ARID1B: variants seen among roughly 807,000 people sequenced by gnomAD.
ARID1B encodes AT-rich interaction domain 1B.
ARID1B carries 30 observed loss-of-function variants against 212.3 expected under a neutral mutation model. The ratio of observed to expected loss-of-function variants is 0.14; its 90% CI spans 0.11 to 0.19. The LOEUF (loss-of-function observed/expected upper bound fraction) is 0.19, where lower values mean the gene tolerates loss of function less well. Among genes scored for constraint, ARID1B ranks in the 10% least tolerant of loss-of-function variants. The pLI, the probability that ARID1B is intolerant of heterozygous loss-of-function variation, is 1.00. For synonymous variants in ARID1B, 1,402 were observed against 1,301.7 expected, an observed-to-expected ratio of 1.08 and a Z score of -1.66; for missense variants, 2,891 against 3,204.0, an observed-to-expected ratio of 0.90 and a Z score of 2.36.
intron 13 of ARID1B, 176 bp downstream of exon 13, chr6:157,184,611 G>A (rs533150829): frequency 1.4e-6 from 1 of 719,274 alleles, no homozygotes; most frequent in East Asian, 2.7e-5. Context: ...GTTAAGGGAT[G>A]AGAGAATTAA....
chr6:157,060,381 C>G (rs1425530528), intron 4 of ARID1B, among the ~76,000 whole-genome samples: 1 of 152,046 alleles, frequency 6.6e-6, no homozygotes, highest in African/African-American at 2.4e-5. Context: ...TAATTATTTG[C>G]AAAGTAGTCT....
At chr6:157,072,847 C>G (rs1784074231) in intron 4 of ARID1B, among the ~76,000 whole-genome samples, 1 of 152,224 alleles carries the variant, frequency 6.6e-6, no homozygotes, top group African/African-American at 2.4e-5. Context: ...TGTTAAATCA[C>G]TTGCCCAATG....
At chr6:157,070,828 G>A (rs1200287693) in intron 4 of ARID1B, among the ~76,000 whole-genome samples, 1 of 152,206 alleles carries the variant, frequency 6.6e-6, no homozygotes, top group Non-Finnish European at 1.5e-5. Context: ...AAAAGCAAAT[G>A]CCTGCAGCGC....
intron 4 of ARID1B, among the ~76,000 whole-genome samples, chr6:157,019,219 G>C (rs61275850): frequency 0.033 from 5,030 of 152,308 alleles, 275 homozygotes; most frequent in African/African-American, 0.11. Context: ...GGGTTGGAAA[G>C]AGCCTGGTGT....
intron 4 of ARID1B, among the ~76,000 whole-genome samples, chr6:156,954,657 GT>G (rs1021770409): frequency 6.6e-6 from 1 of 151,622 alleles, no homozygotes; most frequent in South Asian, 2.1e-4. Flanking sequence ...AGCTCGAACT[GT>G]TTTTTTTGTT....
intron 4 of ARID1B, among the ~76,000 whole-genome samples, chr6:156,945,252 T>C (rs1562501808): frequency 1.6e-5 from 2 of 124,688 alleles, no homozygotes; most frequent in Admixed American, 8.0e-5. Context: ...TTTTTTTTTT[T>C]TTTTTTTTTT....
intron 11 of ARID1B, among the ~76,000 whole-genome samples, chr6:157,176,447 C>T (rs1445975759): frequency 6.6e-6 from 1 of 152,110 alleles, no homozygotes; most frequent in Non-Finnish European, 1.5e-5. Context: ...ATCAGTAATG[C>T]TCTCAAGTTA....
chr6:156,816,791 C>T (rs1295177458), intron 1 of ARID1B, among the ~76,000 whole-genome samples: 3 of 152,116 alleles, frequency 2.0e-5, no homozygotes, highest in South Asian at 4.2e-4. Context: ...CCTGATAGGT[C>T]GCTGGGCCTG....
intron 6 of ARID1B, among the ~76,000 whole-genome samples, chr6:157,118,908 G>A (rs2128543229): frequency 6.6e-6 from 1 of 152,348 alleles, no homozygotes; most frequent in South Asian, 2.1e-4. Flanking sequence ...GCCAATTAAA[G>A]TGGGCTTTTA....
At chr6:156,805,076 CTAA>C (rs1474120134) in intron 1 of ARID1B, among the ~76,000 whole-genome samples, 5 of 152,148 alleles carry the variant, frequency 3.3e-5, no homozygotes, top group African/African-American at 1.2e-4. Context: ...GGATGTTTAG[CTAA>C]TAATTGCTAA....
intron 4 of ARID1B, among the ~76,000 whole-genome samples, chr6:157,007,326 T>C (rs1360033626): frequency 6.6e-6 from 1 of 152,260 alleles, no homozygotes; most frequent in Non-Finnish European, 1.5e-5. Context: ...TGTACTTATA[T>C]TACTTTCATA....
chr6:157,112,102 C>G (rs954578040), intron 6 of ARID1B, among the ~76,000 whole-genome samples: 1 of 152,192 alleles, frequency 6.6e-6, no homozygotes, highest in African/African-American at 2.4e-5. Flanking sequence ...GAGCTGTGAT[C>G]ACACCACTGC....
At chr6:156,987,036 C>T (rs777221068) in intron 4 of ARID1B, among the ~76,000 whole-genome samples, 14 of 151,754 alleles carry the variant, frequency 9.2e-5, no homozygotes, top group African/African-American at 2.7e-4. Flanking sequence ...AAAAATTAGT[C>T]GGGTGTGATG....
intron 4 of ARID1B, among the ~76,000 whole-genome samples, chr6:156,987,423 C>T (rs1422121891): frequency 4.6e-5 from 7 of 151,866 alleles, no homozygotes; most frequent in East Asian, 3.9e-4. Context: ...CTCTGCCTCC[C>T]GGGTTCGCGC....
At position 156,777,443 on chromosome 6, in the gene ARID1B, A is replaced by T. The variant is rs1383400057; in HGVS notation, c.-238A>T. Reference sequence around the variant, plus strand: ...TACCCATATCCGGGCTAGAGAGGAAAAGAGAAAAGTTTCATTTAAACCTGA... The same window carrying T: ...TACCCATATCCGGGCTAGAGAGGAATAGAGAAAAGTTTCATTTAAACCTGA... On this transcript the variant is annotated 5_prime_UTR_variant, in exon 1 of 20. The change creates a premature stop within an existing upstream ORF in the 5' untranslated region. Transcript: ENST00000636930. The T allele has an allele frequency of 6.6e-6, 1 of 150,802 alleles. No individual in the cohort carries two copies. Among genetic ancestry groups the T allele is most frequent in the African/African-American group, 2.4e-5 (1 of 41,342 alleles). The allele number at this position is 150,802 out of a possible 1,614,324, so 9.3% of individuals were successfully genotyped here. A position where few individuals can be genotyped will look rare whatever the true frequency, so the allele number is the denominator to read the frequency against.
chr6:157,176,677 C>T (rs1792125179), intron 11 of ARID1B, among the ~76,000 whole-genome samples: 1 of 152,246 alleles, frequency 6.6e-6, no homozygotes, highest in South Asian at 2.1e-4. Flanking sequence ...GAAACCTTGT[C>T]TCTACTAAAA....
intron 3 of ARID1B, among the ~76,000 whole-genome samples, chr6:156,915,616 G>T (rs770406037): frequency 3.4e-4 from 51 of 150,564 alleles, no homozygotes; most frequent in Non-Finnish European, 1.6e-4. Context: ...TTGGTTTTGG[G>T]CGGGCTCAGT....
chr6:156,848,462 G>A (rs1370544419), intron 2 of ARID1B, among the ~76,000 whole-genome samples: 1 of 152,154 alleles, frequency 6.6e-6, no homozygotes, highest in African/African-American at 2.4e-5. Flanking sequence ...CAAAGTGATC[G>A]TGCACTTCCA....
chr6:156,945,213 G>T (rs1424590145), intron 4 of ARID1B, among the ~76,000 whole-genome samples: 1 of 130,172 alleles, frequency 7.7e-6, no homozygotes, highest in South Asian at 2.4e-4. Flanking sequence ...GGGATGACCG[G>T]TGTGAGCCCC....
Sources: allele counts gnomAD v4.1 joint callset (sites outside exome capture counted in the v4.1 genomes callset), GRCh38; gene constraint gnomAD v4.1.1; transcripts MANE v1.5; gene names NCBI Gene and HGNC (gene_info 2026-07-23, HGNC 2026-07-21).